ZFHX3: variants seen among roughly 807,000 people sequenced by gnomAD.
ZFHX3 encodes the protein zinc finger homeobox protein 3.
A neutral mutation model predicts 279.1 loss-of-function variants in ZFHX3; 42 were observed. The ratio of observed to expected loss-of-function variants is 0.15; its 90% confidence interval spans 0.12 to 0.19. The LOEUF is 0.19. Ranked by LOEUF, ZFHX3 falls within the 10% of genes least tolerant of loss-of-function variation. The probability of loss-of-function intolerance (pLI) is 1.00; values close to 1 mark genes in which losing one functional copy is unlikely to be tolerated. For synonymous variants in ZFHX3, 2,293 were observed against 1,957.8 expected (o/e 1.17, Z -4.52); for missense variants, 4,981 against 4,754.0 (o/e 1.05, Z -1.40).
chr16:73,705,589 T>C (rs11648520), intron 1 of ZFHX3, among the ~76,000 whole-genome samples: 126,663 of 152,142 alleles, frequency 0.83, 55,020 homozygotes, highest in Non-Finnish European at 0.95. Flanking sequence ...TCTTCTCACC[T>C]GGAGCAACTG....
intron 8 of ZFHX3, chr16:73,093,110 A>G (rs1456749107): frequency 1.9e-6 from 1 of 520,070 alleles, no homozygotes; most frequent in Non-Finnish European, 3.8e-6. Context: ...CAATGGATCA[A>G]AGAACTCTGA....
At chr16:72,869,153 A>C (rs1033313277) in intron 4 of ZFHX3, among the ~76,000 whole-genome samples, 2 of 152,216 alleles carry the variant, frequency 1.3e-5, no homozygotes, top group African/African-American at 4.8e-5. Flanking sequence ...TTTAGTAGAG[A>C]AAATGGAAAA....
chr16:73,510,508 A>G (rs1336957165), intron 2 of ZFHX3, among the ~76,000 whole-genome samples: 1 of 152,228 alleles, frequency 6.6e-6, no homozygotes, highest in Non-Finnish European at 1.5e-5. Flanking sequence ...GGCTTCAACT[A>G]AACCATGAAA....
chr16:73,285,652 G>T (rs2014577315), intron 4 of ZFHX3, among the ~76,000 whole-genome samples: 1 of 152,192 alleles, frequency 6.6e-6, no homozygotes, highest in Non-Finnish European at 1.5e-5. Flanking sequence ...GGCTGGTCAT[G>T]TCCGTCAGGG....
chr16:72,903,763 G>A (rs1164191729), intron 3 of ZFHX3, among the ~76,000 whole-genome samples: 2 of 152,176 alleles, frequency 1.3e-5, no homozygotes, highest in African/African-American at 2.4e-5. Context: ...AAGTAAAAAC[G>A]AGAATAACTG....
chr16:73,086,480 T>C (rs548187589), intron 8 of ZFHX3, among the ~76,000 whole-genome samples: 1 of 152,282 alleles, frequency 6.6e-6, no homozygotes, highest in Admixed American at 6.5e-5. Flanking sequence ...AATGGATGAA[T>C]GGATAAAGAA....
At chr16:73,105,934 C>A (rs867399149) in intron 7 of ZFHX3, among the ~76,000 whole-genome samples, 1 of 85,452 alleles carries the variant, frequency 1.2e-5, no homozygotes, top group Non-Finnish European at 2.5e-5. Flanking sequence ...CACGGACCCC[C>A]TCCCCCCGCC....
At chr16:73,540,613 TAC>T (rs1475650381) in intron 2 of ZFHX3, among the ~76,000 whole-genome samples, 1 of 152,250 alleles carries the variant, frequency 6.6e-6, no homozygotes, top group African/African-American at 2.4e-5. Flanking sequence ...AGAAGTTGCA[TAC>T]ACAGTTTCCT....
chr16:72,784,778 A>ATTTC lies in ZFHX3; in HGVS notation c.*2382_*2385dup, dbSNP rs1002573520. 2 of 152,516 alleles carry ATTTC rather than the reference A, an allele frequency of 1.3e-5. No individual in the cohort carries two copies. Among genetic ancestry groups the ATTTC allele is most frequent in the Non-Finnish European group, 2.9e-5 (2 of 68,000 alleles). The allele number at this position is 152,516 out of a possible 1,614,324, so 9.4% of individuals were successfully genotyped here. On this transcript the variant is annotated 3_prime_UTR_variant, in exon 10 of 10. Coordinates refer to ENST00000268489, the MANE Select transcript of ZFHX3 (RefSeq NM_006885.4). ...AGTTAGATGGTATTCTTTCTTTAGT[A>ATTTC]TTTCTACTTAAAAAAAACAATTAAA...
chr16:73,823,134 C>T (rs961031174), intron 1 of ZFHX3, among the ~76,000 whole-genome samples: 10 of 152,066 alleles, frequency 6.6e-5, no homozygotes, highest in East Asian at 5.8e-4. Context: ...CCAAGGTCTA[C>T]GACGTATATG....
chr16:72,966,078 AT>A (rs1453172477), intron 1 of ZFHX3, among the ~76,000 whole-genome samples: 5 of 152,200 alleles, frequency 3.3e-5, no homozygotes, highest in Non-Finnish European at 5.9e-5. Flanking sequence ...TGATGCCATT[AT>A]TTTAAGCGTC....
At chr16:73,091,179 C>G (rs1016508925) in intron 8 of ZFHX3, among the ~76,000 whole-genome samples, 1 of 150,994 alleles carries the variant, frequency 6.6e-6, no homozygotes, top group Admixed American at 6.6e-5. Flanking sequence ...CCACTGTACT[C>G]CAGCCTGGGC....
At chr16:73,832,205 CTTTTT>C (rs59475247) in intron 1 of ZFHX3, among the ~76,000 whole-genome samples, 1 of 146,248 alleles carries the variant, frequency 6.8e-6, no homozygotes. Context: ...ACCTCATATG[CTTTTT>C]TTTTTTTCTT....
intron 2 of ZFHX3, among the ~76,000 whole-genome samples, chr16:73,510,699 C>T (rs1482873178): frequency 6.6e-6 from 1 of 152,204 alleles, no homozygotes; most frequent in Admixed American, 6.5e-5. Context: ...ACCTGAGCAA[C>T]CATACAGCAG....
At position 73,619,432 on chromosome 16, in the gene ZFHX3, G is replaced by A. The variant is rs2052335900; in HGVS notation, c.-1547+60748C>T. Among the ~76,000 whole-genome samples, 3 of 151,550 alleles carry A rather than the reference G, an allele frequency of 2.0e-5. No individual in the cohort carries two copies. The South Asian group carries it at 6.3e-4, about 32-fold the overall frequency. On this transcript the variant is annotated intron_variant, in intron 2 of 17. Coordinates refer to the ZFHX3 transcript ENST00000641206. ...GAACCCGGGAGGCAGAGCTGGCAGT[G>A]AGCGGAGATCGTGCCACTGCACTTC...
At chr16:73,184,983 C>CT (rs11385082) in intron 5 of ZFHX3, among the ~76,000 whole-genome samples, 43,669 of 143,260 alleles carry the variant, frequency 0.3, 6,574 homozygotes, top group Admixed American at 0.37. Context: ...TGCACCATCT[C>CT]TTTTTTTTTT....
At chr16:72,915,978 C>CG (rs1477574109) in intron 3 of ZFHX3, among the ~76,000 whole-genome samples, 24 of 152,094 alleles carry the variant, frequency 1.6e-4, no homozygotes, top group Admixed American at 3.9e-4. Context: ...TCACTTCAGC[C>CG]AGAAAACATA....
chr16:73,187,141 G>GTC (rs202100975), intron 5 of ZFHX3, among the ~76,000 whole-genome samples: 112 of 91,896 alleles, frequency 1.2e-3, no homozygotes, highest in African/African-American at 4.6e-3. Flanking sequence ...CAAGTTGTAT[G>GTC]TCTCACACAC....
intron 2 of ZFHX3, among the ~76,000 whole-genome samples, chr16:73,566,038 T>G (rs1164081721): frequency 6.6e-6 from 1 of 152,216 alleles, no homozygotes; most frequent in Non-Finnish European, 1.5e-5. Flanking sequence ...GGTCTAAGCT[T>G]CCTGCTCATG....
Sources: gnomAD v4.1 joint callset for allele counts (sites outside exome capture counted in the v4.1 genomes callset) on GRCh38, gnomAD v4.1.1 for gene constraint, MANE v1.5 for transcripts, NCBI Gene and HGNC (gene_info 2026-07-23, HGNC 2026-07-21) for gene names.